RC3H1: variants seen among roughly 807,000 people sequenced by gnomAD.
RC3H1 encodes ring finger and CCCH-type domains 1, also known as roquin-1.
Under a neutral mutation model 138.2 loss-of-function variants are expected in RC3H1, and 50 were observed. That is an observed-to-expected ratio of 0.36 (90% CI 0.29 to 0.46). The LOEUF (loss-of-function observed/expected upper bound fraction) is 0.46, where lower values mean the gene tolerates loss of function less well. RC3H1 is among the 20% of genes least tolerant of loss of function. The pLI, the probability that RC3H1 is intolerant of heterozygous loss-of-function variation, is 1.00. For synonymous variants in RC3H1, 462 were observed against 489.1 expected, an observed-to-expected ratio of 0.94 and a Z score of 0.73; for missense variants, 1,031 against 1,388.1, an observed-to-expected ratio of 0.74 and a Z score of 4.09.
chr1:174,000,716 C>T (rs1236406848), intron 1 of RC3H1, among the ~76,000 whole-genome samples: 1 of 152,152 alleles, frequency 6.6e-6, no homozygotes, highest in Non-Finnish European at 1.5e-5. Flanking sequence ...TGTAGGGCCA[C>T]ATCAGAGAAG....
At chr1:173,989,710 GTTTTTTTT>G (rs372808172) in intron 2 of RC3H1, among the ~76,000 whole-genome samples, 2 of 103,224 alleles carry the variant, frequency 1.9e-5, no homozygotes, top group East Asian at 5.3e-4. Flanking sequence ...GTTTATTCAA[GTTTTTTTT>G]TTTTTTTTTT....
intron 19 of RC3H1, among the ~76,000 whole-genome samples, chr1:173,939,791 T>C (rs537307561): frequency 2.0e-5 from 3 of 148,070 alleles, no homozygotes; most frequent in Middle Eastern, 4.0e-3. Flanking sequence ...GCCGAGATCA[T>C]GCCATTGCAC....
chr1:173,970,604 C>T lies in RC3H1; in HGVS notation c.1235G>A (p.Ser412Asn). The T allele has an allele frequency of 1.9e-6, 3 of 1,613,202 alleles. No individual in the cohort carries two copies. The highest frequency in any genetic ancestry group is 1.3e-5 in the African/African-American group (1 of 75,002). The change falls in exon 9 of 20, where the codon AGC (serine) becomes AAC (asparagine). Residue 412 changes from serine (S) to asparagine (N), a missense_variant. Ser to Asn is a conservative substitution (Grantham distance 46, BLOSUM62 1). Transcript: ENST00000367696. The stretch of plus-strand genomic sequence containing the variant: ...TCGACACATGTATGTTTTGTATTTG[C>T]TATGCTGTGGAGGCTAAAACCAAAA... ...GADQQQPPQHSKYKTYMCRDM... is the reference protein window; with the variant it reads ...GADQQQPPQHNKYKTYMCRDM...
At chr1:173,946,359 A>G in intron 17 of RC3H1, 117 bp downstream of exon 17, 1 of 843,228 alleles carries the variant, frequency 1.2e-6, no homozygotes, top group Non-Finnish European at 1.8e-6. Flanking sequence ...AGAAACCTAT[A>G]CTAACTCCTA....
intron 6 of RC3H1, among the ~76,000 whole-genome samples, chr1:173,980,558 T>C (rs1172159023): frequency 6.6e-6 from 1 of 152,082 alleles, no homozygotes; most frequent in Non-Finnish European, 1.5e-5. Flanking sequence ...GAGTGGTCTC[T>C]AGAGTTGGCC....
At chr1:174,020,976 T>C (rs1486018407) in intron 1 of RC3H1, among the ~76,000 whole-genome samples, 1 of 152,128 alleles carries the variant, frequency 6.6e-6, no homozygotes, top group African/African-American at 2.4e-5. Flanking sequence ...GCCACTGCAA[T>C]CCAGCCTGGG....
intron 7 of RC3H1, among the ~76,000 whole-genome samples, chr1:173,973,744 A>G (rs763486982): frequency 1.6e-4 from 25 of 152,204 alleles, no homozygotes; most frequent in Non-Finnish European, 3.7e-4. Context: ...AGACACCCTG[A>G]AAGAATTCTA....
intron 18 of RC3H1, among the ~76,000 whole-genome samples, chr1:173,942,428 C>CAAAAAAAAAAAAAAAAAAA (rs60694243): frequency 4.7e-4 from 18 of 38,074 alleles, no homozygotes; most frequent in African/African-American, 2.6e-3. Context: ...GACTCAGTCT[C>CAAAAAAAAAAAAAAAAAAA]AAAAAAAAAA....
intron 1 of RC3H1, among the ~76,000 whole-genome samples, chr1:174,005,723 T>C (rs564745740): frequency 5.5e-4 from 84 of 152,270 alleles, no homozygotes; most frequent in African/African-American, 1.8e-3. Context: ...GACTTAAAAA[T>C]ATTTACCATT....
At chr1:173,954,183 T>C (rs1033511504) in intron 13 of RC3H1, among the ~76,000 whole-genome samples, 1 of 152,172 alleles carries the variant, frequency 6.6e-6, no homozygotes, top group Non-Finnish European at 1.5e-5. Context: ...AACCTAGGTA[T>C]CCAGCAACAG....
chr1:174,002,789 T>C (rs10912715), intron 1 of RC3H1, among the ~76,000 whole-genome samples: 26 of 152,350 alleles, frequency 1.7e-4, no homozygotes, highest in African/African-American at 5.5e-4. Context: ...AAGCCACTCC[T>C]TGCCCATATC....
intron 19 of RC3H1, 67 bp from the exon 20 acceptor site, chr1:173,938,938 G>T: frequency 8.1e-7 from 1 of 1,229,086 alleles, no homozygotes; most frequent in South Asian, 1.6e-5. Flanking sequence ...AAATCAACAG[G>T]GGATATAATT....
intron 3 of RC3H1, 136 bp from the exon 4 acceptor site, chr1:173,983,793 A>T (rs1399524111): frequency 1.3e-6 from 1 of 786,964 alleles, no homozygotes; most frequent in Admixed American, 2.7e-5. Context: ...AGCAACAAAT[A>T]AAACCACACA....
At chr1:174,007,281 T>G (rs1239272917) in intron 1 of RC3H1, among the ~76,000 whole-genome samples, 2 of 151,744 alleles carry the variant, frequency 1.3e-5, no homozygotes, top group African/African-American at 2.4e-5. Context: ...TCCCAGCTAC[T>G]CGGGAGGCTG....
intron 8 of RC3H1, 65 bp downstream of exon 8, chr1:173,972,444 G>T (rs1342668313): frequency 2.7e-6 from 3 of 1,099,238 alleles, no homozygotes; most frequent in Non-Finnish European, 4.2e-6. Flanking sequence ...ACCCACAGTG[G>T]TTTACCTATA....
rs760090301 is a variant in RC3H1, at chr1:173,932,388, C to T, written c.*6333G>A. The T allele has an allele frequency of 5.3e-5, 8 of 151,950 alleles. No homozygotes were observed. Among genetic ancestry groups the T allele is most frequent in the African/African-American group, 1.7e-4 (7 of 41,464 alleles). 9.4% of individuals were successfully genotyped at this position (151,950 alleles called of 1,614,324 possible). ...TAACAAGGGGAAGACACCACAAACA[C>T]GAAGAGGAATCTCAAAACTGGAAAA... is the stretch of plus-strand genomic sequence containing the variant. On this transcript the variant is annotated 3_prime_UTR_variant, in exon 20 of 20. Transcript: ENST00000367696.
Position 173,970,494 on chromosome 1 carries a change from T to C in RC3H1, c.1334+11A>G. The C allele has an allele frequency of 6.3e-7, 1 of 1,589,948 alleles. No homozygotes were observed. The highest frequency in any genetic ancestry group is 8.6e-7 in the Non-Finnish European group (1 of 1,158,358). On this transcript the variant is annotated intron_variant, in intron 9 of 19. Coordinates refer to ENST00000367696, the MANE Select transcript of RC3H1 (RefSeq NM_172071.4). ...CACCTTATTCCAAAGTCTCCTGACT[T>C]TCACACTTACTTTTCCAGTTCCTCC... is the stretch of plus-strand genomic sequence containing the variant.
intron 13 of RC3H1, among the ~76,000 whole-genome samples, chr1:173,954,947 C>T (rs1178440936): frequency 2.0e-5 from 3 of 151,976 alleles, no homozygotes; most frequent in African/African-American, 7.3e-5. Context: ...CAATCTTAGG[C>T]TGGGTGTGGT....
At chr1:173,981,158 T>C (rs538498965) in intron 5 of RC3H1, 149 bp from the exon 6 acceptor site, 93 of 665,914 alleles carry the variant, frequency 1.4e-4, no homozygotes, top group Admixed American at 1.2e-3. Context: ...CTCCTTAACT[T>C]GTTGAGGTAG....
Sources: allele counts gnomAD v4.1 joint callset (sites outside exome capture counted in the v4.1 genomes callset), GRCh38; gene constraint gnomAD v4.1.1; transcripts MANE v1.5; gene names NCBI Gene and HGNC (gene_info 2026-07-23, HGNC 2026-07-21).